The following IGSF11 variants were observed in gnomAD, a reference collection of about 807,000 sequenced individuals.
The protein encoded by IGSF11 is immunoglobulin superfamily member 11, also known as CXADR like 1.
A neutral mutation model predicts 41.0 loss-of-function variants in IGSF11; 22 were observed. That is an observed-to-expected ratio of 0.54 (90% CI 0.38 to 0.77). The LOEUF (loss-of-function observed/expected upper bound fraction) is 0.77, where lower values mean the gene tolerates loss of function less well. Ranked by LOEUF, IGSF11 falls within the 30% of genes least tolerant of loss-of-function variation. The pLI is 0.00. For missense variants in IGSF11, 444 were observed against 530.8 expected, an observed-to-expected ratio of 0.84 and a Z score of 1.61; for synonymous variants, 219 against 201.3, an observed-to-expected ratio of 1.09 and a Z score of -0.74.
At chr3:118,962,516 A>C (rs751267202) in intron 1 of IGSF11, among the ~76,000 whole-genome samples, 3 of 152,200 alleles carry the variant, frequency 2.0e-5, no homozygotes, top group African/African-American at 7.2e-5. Flanking sequence ...CCATTTAATA[A>C]AATGGAAAAA....
At chr3:118,949,780 T>A (rs1944434906) in intron 1 of IGSF11, among the ~76,000 whole-genome samples, 1 of 152,232 alleles carries the variant, frequency 6.6e-6, no homozygotes, top group South Asian at 2.1e-4. Flanking sequence ...TCAAGTCTCA[T>A]GATGTTCACT....
rs117664174 is a variant in IGSF11, at chr3:119,128,023, A to G, written c.-14+17790T>C. ...GTGTGCAAAACAACCAAAGAGCATC[A>G]TGATGACATGATCAAACTCCAAACG... is the stretch of plus-strand genomic sequence containing the variant. On this transcript the variant is annotated intron_variant, in intron 1 of 7. Transcript: ENST00000425327. Among the ~76,000 whole-genome samples the G allele has an allele frequency of 7.4e-4, 112 of 152,352 alleles. 2 individuals carry two copies. The East Asian group carries it at 0.021, about 29-fold the overall frequency.
rs1276677415 is a variant in IGSF11 at position 119,121,952 on chromosome 3, T to C, written c.-13-16747A>G. 2.6e-5 allele frequency among the ~76,000 whole-genome samples: 4 copies of C among 152,156 alleles called. No homozygotes were observed. In the East Asian group the frequency reaches 7.7e-4, roughly 29 times the overall value. The stretch of plus-strand genomic sequence containing the variant: ...AAATGACAGTCAACTAAGAATTCTG[T>C]CCAAAGAATCTCTCATTTAAAAATG... On this transcript the variant is annotated intron_variant, in intron 1 of 7. Transcript: ENST00000425327.
At chr3:119,006,251 C>T (rs1320310887) in intron 1 of IGSF11, among the ~76,000 whole-genome samples, 15 of 121,434 alleles carry the variant, frequency 1.2e-4, no homozygotes, top group East Asian at 2.2e-4. Context: ...TCCAGTTGAT[C>T]GCATCGGCTC....
At chr3:119,070,729 G>A (rs761761279) in intron 1 of IGSF11, among the ~76,000 whole-genome samples, 1 of 152,088 alleles carries the variant, frequency 6.6e-6, no homozygotes, top group Non-Finnish European at 1.5e-5. Flanking sequence ...GTGGAATAAA[G>A]ACAAGAGGAA....
At chr3:119,042,505 C>G (rs1162219391) in intron 1 of IGSF11, among the ~76,000 whole-genome samples, 1 of 152,132 alleles carries the variant, frequency 6.6e-6, no homozygotes, top group African/African-American at 2.4e-5. Flanking sequence ...GGCTTTCCCC[C>G]ACTTCCCTGG....
intron 1 of IGSF11, among the ~76,000 whole-genome samples, chr3:119,011,241 C>A (rs1437940921): frequency 6.6e-6 from 1 of 151,966 alleles, no homozygotes; most frequent in Non-Finnish European, 1.5e-5. Flanking sequence ...TGGTGCTGGG[C>A]AGCTAAGCTC....
At chr3:118,998,901 T>C (rs1249417170) in intron 1 of IGSF11, among the ~76,000 whole-genome samples, 2 of 152,120 alleles carry the variant, frequency 1.3e-5, no homozygotes, top group African/African-American at 2.4e-5. Context: ...TTGTTTATAA[T>C]AGTAAAACAG....
At chr3:119,108,105 T>C (rs992499082), upstream of IGSF11, among the ~76,000 whole-genome samples, 5 of 150,380 alleles carry the variant, frequency 3.3e-5, no homozygotes, top group African/African-American at 1.2e-4. Flanking sequence ...TTTAAAGTAG[T>C]TTTTTCCAAT....
At chr3:118,996,553 T>C (rs914764349) in intron 1 of IGSF11, among the ~76,000 whole-genome samples, 1 of 152,154 alleles carries the variant, frequency 6.6e-6, no homozygotes, top group Non-Finnish European at 1.5e-5. Flanking sequence ...AACCCTTCCG[T>C]GGATTCCCAT....
upstream of IGSF11, among the ~76,000 whole-genome samples, chr3:119,035,921 A>G (rs912905907): frequency 6.6e-6 from 1 of 152,326 alleles, no homozygotes; most frequent in African/African-American, 2.4e-5. Flanking sequence ...TGGCAAATAC[A>G]ATCCTCCCAG....
At chr3:118,975,669 A>G (rs1318451501) in intron 1 of IGSF11, among the ~76,000 whole-genome samples, 1 of 152,222 alleles carries the variant, frequency 6.6e-6, no homozygotes, top group African/African-American at 2.4e-5. Context: ...CACATACACC[A>G]TGGAATACTA....
chr3:118,996,517 A>G (rs576315761), intron 1 of IGSF11, among the ~76,000 whole-genome samples: 49 of 152,202 alleles, frequency 3.2e-4, no homozygotes, highest in African/African-American at 1.1e-3. Context: ...CATTCTACAC[A>G]CAACAATGAG....
intron 1 of IGSF11, among the ~76,000 whole-genome samples, chr3:119,053,612 A>G (rs1941711661): frequency 6.6e-6 from 1 of 152,210 alleles, no homozygotes; most frequent in Non-Finnish European, 1.5e-5. Flanking sequence ...TATAAAGTCA[A>G]TGCAATGCCC....
chr3:118,947,539 A>G (rs527789245), intron 1 of IGSF11: 12 of 152,362 alleles, frequency 7.9e-5, no homozygotes, highest in African/African-American at 2.9e-4. Context: ...AATAAATCCA[A>G]TACTTGTTAT....
chr3:119,028,276 G>A (rs1940017937), intron 1 of IGSF11, among the ~76,000 whole-genome samples: 2 of 152,114 alleles, frequency 1.3e-5, no homozygotes, highest in South Asian at 4.1e-4. Context: ...GGAGAGAAGG[G>A]AATAGGAGAA....
intron 4 of IGSF11, among the ~76,000 whole-genome samples, chr3:118,921,091 C>T (rs1941732278): frequency 6.6e-6 from 1 of 152,148 alleles, no homozygotes; most frequent in Non-Finnish European, 1.5e-5. Context: ...ACCCTAAGCA[C>T]CTTACTCAAA....
chr3:118,931,494 T>C lies in IGSF11; in HGVS notation c.53-1219A>G, dbSNP rs557084562. Among the ~76,000 whole-genome samples the C allele has an allele frequency of 6.9e-4, 105 of 152,320 alleles. 2 individuals carry two copies. The South Asian group carries it at 0.021, about 30-fold the overall frequency. ...GAAACAAAAACCATCAAAGTACTGA[T>C]ACATCTTACAACATGCACGAGCCTC... On this transcript the variant is annotated intron_variant, in intron 1 of 6. Coordinates refer to ENST00000393775, the MANE Select transcript of IGSF11 (RefSeq NM_001015887.3).
At chr3:119,054,288 A>G (rs994499482) in intron 1 of IGSF11, among the ~76,000 whole-genome samples, 6 of 152,236 alleles carry the variant, frequency 3.9e-5, no homozygotes, top group Admixed American at 3.3e-4. Flanking sequence ...TATGTATCCA[A>G]CAAAGAACTA....
Sources: gnomAD v4.1 joint callset for allele counts (sites outside exome capture counted in the v4.1 genomes callset) on GRCh38, gnomAD v4.1.1 for gene constraint, MANE v1.5 for transcripts, NCBI Gene and HGNC (gene_info 2026-07-23, HGNC 2026-07-21) for gene names.